The following PDE12 variants were observed in gnomAD, a reference collection of about 807,000 sequenced individuals.
PDE12 encodes phosphodiesterase 12.
Under a neutral mutation model 45.4 loss-of-function variants are expected in PDE12, and 26 were observed. The observed-to-expected ratio is 0.57, with a 90% CI of 0.42 to 0.79. The LOEUF is 0.79. Ranked by LOEUF, PDE12 falls within the 30% of genes least tolerant of loss-of-function variation. The pLI is 0.00. For synonymous variants in PDE12, 283 were observed against 323.9 expected (o/e 0.87, Z 1.36); for missense variants, 668 against 790.0 (o/e 0.85, Z 1.85).
the PDE12 span, among the ~76,000 whole-genome samples, chr3:57,591,423 C>T: frequency 1.3e-5 from 2 of 151,244 alleles, no homozygotes; most frequent in Non-Finnish European, 2.9e-5. Flanking sequence ...GAATGAAGTA[C>T]TAATATACGC....
Position 57,563,275 on chromosome 3 carries a change from G to T in PDE12, c.*3271G>T, listed in dbSNP as rs1426647284. 1 of 152,118 alleles carries T rather than the reference G, an allele frequency of 6.6e-6. No homozygotes were observed. The highest frequency in any genetic ancestry group is 1.9e-4 in the East Asian group (1 of 5,194). The allele number at this position is 152,118 out of a possible 1,614,324, so 9.4% of individuals were successfully genotyped here. A position where few individuals can be genotyped will look rare whatever the true frequency, so the allele number is the denominator to read the frequency against. On this transcript the variant is annotated 3_prime_UTR_variant, in exon 3 of 3. Coordinates refer to ENST00000311180, the MANE Select transcript of PDE12 (RefSeq NM_177966.7). ...CAGCCTCAAACTGCGGGGCTCAAAT[G>T]ATCCTCCTGCCTCAGCGTCCCAAGT...
At chr3:57,650,785 A>ATT in the PDE12 span, among the ~76,000 whole-genome samples, 483 of 142,988 alleles carry the variant, frequency 3.4e-3, 2 homozygotes, top group East Asian at 0.032. Context: ...TCCACATGGA[A>ATT]TTTTTTTTTT....
At chr3:57,583,699 T>C in the PDE12 span, among the ~76,000 whole-genome samples, 14 of 152,128 alleles carry the variant, frequency 9.2e-5, no homozygotes, top group Non-Finnish European at 1.8e-4. Context: ...CTTACCGCAA[T>C]TGCTTTACAA....
chr3:57,621,318 C>T, the PDE12 span, among the ~76,000 whole-genome samples: 1 of 152,202 alleles, frequency 6.6e-6, no homozygotes. Flanking sequence ...ACTTCACATA[C>T]ACATTAAAAC....
the PDE12 span, among the ~76,000 whole-genome samples, chr3:57,589,123 C>T: frequency 6.6e-6 from 1 of 150,622 alleles, no homozygotes; most frequent in Admixed American, 6.6e-5. Flanking sequence ...AAAAATTAGC[C>T]GGTTGTGATG....
At chr3:57,620,242 T>G in the PDE12 span, among the ~76,000 whole-genome samples, 1 of 151,440 alleles carries the variant, frequency 6.6e-6, no homozygotes, top group Non-Finnish European at 1.5e-5. Flanking sequence ...AAAGAAAAAT[T>G]TAATGCTTTT....
the PDE12 span, among the ~76,000 whole-genome samples, chr3:57,612,140 G>C: frequency 1.3e-5 from 2 of 148,836 alleles, no homozygotes; most frequent in Admixed American, 1.4e-4. Flanking sequence ...CTATCACAAG[G>C]ACAAAAAACC....
At chr3:57,586,248 G>A in the PDE12 span, among the ~76,000 whole-genome samples, 1 of 151,592 alleles carries the variant, frequency 6.6e-6, no homozygotes, top group African/African-American at 2.4e-5. Flanking sequence ...ACAGATTTTT[G>A]TATCGATTCA....
At chr3:57,597,045 T>C in the PDE12 span, 1 of 1,610,910 alleles carries the variant, frequency 6.2e-7, no homozygotes, top group South Asian at 1.1e-5. Flanking sequence ...CTTTCCCAGG[T>C]CCCGCCTGAC....
chr3:57,587,319 C>CAA, the PDE12 span, among the ~76,000 whole-genome samples: 663 of 43,366 alleles, frequency 0.015, 10 homozygotes, highest in African/African-American at 0.041. Flanking sequence ...AACTCAGTCT[C>CAA]AAAAAAAAAA....
At chr3:57,628,462 C>T in the PDE12 span, 1 of 1,339,502 alleles carries the variant, frequency 7.5e-7, no homozygotes, top group African/African-American at 1.5e-5. Flanking sequence ...AGTCTTAGAC[C>T]AGAAATTACA....
the PDE12 span, among the ~76,000 whole-genome samples, chr3:57,644,252 A>C: frequency 1.3e-5 from 2 of 152,128 alleles, no homozygotes; most frequent in African/African-American, 4.8e-5. Context: ...AAGTCTGCAA[A>C]GAAGATTGGG....
the PDE12 span, among the ~76,000 whole-genome samples, chr3:57,608,897 A>T: frequency 6.6e-6 from 1 of 152,228 alleles, no homozygotes; most frequent in Admixed American, 6.5e-5. Flanking sequence ...CCTAATAGAC[A>T]TCTACAGAAC....
chr3:57,575,305 C>CAA, the PDE12 span, among the ~76,000 whole-genome samples: 10 of 135,008 alleles, frequency 7.4e-5, no homozygotes, highest in African/African-American at 2.8e-4. Context: ...CCTCTCCCTT[C>CAA]AAAAAAAAAA....
At chr3:57,607,624 G>A in the PDE12 span, among the ~76,000 whole-genome samples, 1 of 152,140 alleles carries the variant, frequency 6.6e-6, no homozygotes, top group African/African-American at 2.4e-5. Flanking sequence ...TCGATCAACT[G>A]GAAGAAAGGG....
At chr3:57,645,622 A>T in the PDE12 span, 1 of 1,456,670 alleles carries the variant, frequency 6.9e-7, no homozygotes, top group Non-Finnish European at 9.4e-7. Context: ...TTTTGGTTAT[A>T]AAGGTAATAC....
chr3:57,624,167 T>C, the PDE12 span, among the ~76,000 whole-genome samples: 2 of 151,844 alleles, frequency 1.3e-5, no homozygotes, highest in Admixed American at 6.6e-5. Flanking sequence ...TTTTTTTTTT[T>C]TGAGGCGGAG....
the PDE12 span, chr3:57,628,445 T>C: frequency 1.4e-6 from 2 of 1,438,348 alleles, no homozygotes; most frequent in African/African-American, 1.4e-5. Flanking sequence ...AACAATTAGA[T>C]ACTTTCAGTC....
At chr3:57,628,058 G>T in the PDE12 span, 1 of 1,032,230 alleles carries the variant, frequency 9.7e-7, no homozygotes. Context: ...CACTAAAAAG[G>T]TCTGTTTATA....
Sources: gnomAD v4.1 joint callset for allele counts (sites outside exome capture counted in the v4.1 genomes callset) on GRCh38, gnomAD v4.1.1 for gene constraint, MANE v1.5 for transcripts, NCBI Gene and HGNC (gene_info 2026-07-23, HGNC 2026-07-21) for gene names.